Variants in KIF23 observed in about 807,000 individuals in gnomAD.
The protein encoded by KIF23 is kinesin family member 23.
Under a neutral mutation model 137.5 loss-of-function variants are expected in KIF23, and 30 were observed. That is an observed-to-expected ratio of 0.22 (90% CI 0.16 to 0.30). The LOEUF is 0.30. Among genes scored for constraint, KIF23 ranks in the 10% least tolerant of loss-of-function variants. The probability of loss-of-function intolerance (pLI) is 1.00; values close to 1 mark genes in which losing one functional copy is unlikely to be tolerated. For synonymous variants in KIF23, 367 were observed against 391.1 expected, an observed-to-expected ratio of 0.94 and a Z score of 0.73; for missense variants, 920 against 1,194.3, an observed-to-expected ratio of 0.77 and a Z score of 3.38.
At chr15:69,418,933 A>G (rs1400090668) in intron 3 of KIF23, among the ~76,000 whole-genome samples, 1 of 152,146 alleles carries the variant, frequency 6.6e-6, no homozygotes, top group Non-Finnish European at 1.5e-5. Context: ...CCTGACCAAT[A>G]TGATGAAACC....
At chr15:69,430,904 GC>G (rs1379781332) in intron 11 of KIF23, among the ~76,000 whole-genome samples, 2 of 152,142 alleles carry the variant, frequency 1.3e-5, no homozygotes, top group African/African-American at 4.8e-5. Flanking sequence ...CAAGGCTGGA[GC>G]CAGATTGGTT....
At chr15:69,429,605 C>T (rs2057302144) in intron 11 of KIF23, among the ~76,000 whole-genome samples, 1 of 152,140 alleles carries the variant, frequency 6.6e-6, no homozygotes, top group Non-Finnish European at 1.5e-5. Context: ...CTGTAACCGG[C>T]CTCGATGGGT....
At chr15:69,436,779 T>G in intron 15 of KIF23, 57 bp downstream of exon 15, 3 of 1,152,700 alleles carry the variant, frequency 2.6e-6, no homozygotes, top group Non-Finnish European at 3.5e-6. Flanking sequence ...TTTTGAGACA[T>G]AGTTTCACTC....
chr15:69,447,714 G>C, intron 23 of KIF23, 78 bp from the exon 24 acceptor site: 1 of 1,379,268 alleles, frequency 7.3e-7, no homozygotes, highest in South Asian at 1.4e-5. Flanking sequence ...GTTCTCAAAG[G>C]CCTCCTAAAG....
rs112110346 is a variant in KIF23 at position 69,439,061 on chromosome 15, G to C, written c.1755+656G>C. On this transcript the variant is annotated intron_variant, in intron 16 of 23. Coordinates refer to ENST00000679126, the MANE Select transcript of KIF23 (RefSeq NM_001367805.3). Reference sequence around the variant, plus strand: ...TGCAGTGAGCTGGGATTGCACGACTGCACTCCAGCCTAGGTGACAGAGCGA... The same window carrying C: ...TGCAGTGAGCTGGGATTGCACGACTCCACTCCAGCCTAGGTGACAGAGCGA... Among the ~76,000 whole-genome samples, 829 of 151,360 alleles carry C rather than the reference G, an allele frequency of 5.5e-3. 2 individuals are homozygous for C. The highest frequency in any genetic ancestry group is 7.5e-3 in the Non-Finnish European group (512 of 67,946).
intron 19 of KIF23, among the ~76,000 whole-genome samples, chr15:69,442,993 A>G (rs568297351): frequency 6.4e-4 from 97 of 152,218 alleles, no homozygotes; most frequent in Non-Finnish European, 1.2e-3. Context: ...GTTTCATCAT[A>G]TGCTTATTGT....
intron 22 of KIF23, 147 bp from the exon 23 acceptor site, chr15:69,446,724 A>T (rs1349291783): frequency 2.7e-6 from 2 of 753,048 alleles, no homozygotes; most frequent in African/African-American, 3.4e-5. Context: ...GAAATAAATT[A>T]CGAGTGACTG....
Position 69,440,913 on chromosome 15 carries a change from C to T in KIF23, c.2255C>T (p.Thr752Ile), listed in dbSNP as rs1596020117. 2 of 1,614,196 alleles carry T rather than the reference C, an allele frequency of 1.2e-6. No individual in the cohort carries two copies. The highest frequency in any genetic ancestry group is 1.7e-6 in the Non-Finnish European group (2 of 1,180,038). Residue 752 changes from threonine to isoleucine, a missense_variant, in exon 19 of 24, where the codon ACA becomes ATA. Physicochemically the swap from Thr to Ile is moderately conservative, Grantham distance 89 (BLOSUM62 -1). This residue lies in a region of KIF23 where 714 missense variants were observed against 866.2 expected (regional missense o/e 0.82). Coordinates refer to ENST00000679126, the MANE Select transcript of KIF23 (RefSeq NM_001367805.3). ...EWEQKIPTYNTPLKVTSIARR... is the reference protein window; with the variant it reads ...EWEQKIPTYNIPLKVTSIARR... ...GAGCAGAAAATTCCTACGTACAACA[C>T]ACCTCTCAAAGTCACATCTATTGCA...
intron 6 of KIF23, 197 bp from the exon 7 acceptor site, chr15:69,422,962 G>A (rs372312797): frequency 8.6e-5 from 36 of 418,754 alleles, no homozygotes; most frequent in African/African-American, 6.4e-4. Context: ...CACCATGCCC[G>A]GCTAATTTGT....
intron 18 of KIF23, 56 bp from the exon 19 acceptor site, chr15:69,440,712 A>C: frequency 2.1e-6 from 3 of 1,409,358 alleles, no homozygotes; most frequent in Non-Finnish European, 2.9e-6. Flanking sequence ...AAAAGTAATG[A>C]ATTGTTTCTC....
At position 69,426,112 on chromosome 15, in the gene KIF23, C is replaced by A; in HGVS notation, c.819C>A (p.Asn273Lys). Residue 273 changes from asparagine to lysine, a missense_variant, in exon 9 of 24, where the codon AAC (asparagine) becomes AAA (lysine). By Grantham distance (94) the Asn-to-Lys change is moderately conservative. Transcript: ENST00000679126. ...TGCTTCGTGAAGATAAGAACCATAA[C>A]ATGTATGTTGCAGGATGTACAGAAG... ...SKLLREDKNH[N>K]MYVAGCTEVE... The A allele has an allele frequency of 6.2e-7, 1 of 1,604,142 alleles. No homozygotes were observed. The highest frequency in any genetic ancestry group is 1.1e-5 in the South Asian group (1 of 88,858).
intron 11 of KIF23, chr15:69,434,963 A>G (rs2057440155): frequency 1.6e-6 from 1 of 641,396 alleles, no homozygotes; most frequent in Non-Finnish European, 2.7e-6. Flanking sequence ...GCGAGCCCTC[A>G]GGTGTGTAGG....
intron 3 of KIF23, among the ~76,000 whole-genome samples, chr15:69,418,174 A>G (rs949644531): frequency 2.0e-5 from 3 of 152,174 alleles, no homozygotes; most frequent in Admixed American, 6.5e-5. Flanking sequence ...TGTGCCTACT[A>G]TTCCTGTGAA....
Position 69,436,275 on chromosome 15 carries a change from T to C in KIF23, c.1438+14T>C. 2 of 1,607,642 alleles carry C rather than the reference T, an allele frequency of 1.2e-6. No individual in the cohort carries two copies. The highest frequency in any genetic ancestry group is 1.7e-6 in the Non-Finnish European group (2 of 1,178,282). ...CAGTTGGAAATGGTATGATTTGGTG[T>C]TGTATCATTTGTCCACTCATTGGTC... On this transcript the variant is annotated intron_variant, in intron 14 of 23. Coordinates refer to ENST00000679126, the MANE Select transcript of KIF23 (RefSeq NM_001367805.3).
chr15:69,446,753 C>T, intron 22 of KIF23, 118 bp from the exon 23 acceptor site: 1 of 914,432 alleles, frequency 1.1e-6, no homozygotes, highest in Non-Finnish European at 1.8e-6. Context: ...ACGTAAGAGT[C>T]TTTGCTGAAC....
chr15:69,426,917 A>G (rs1272538143), intron 10 of KIF23, among the ~76,000 whole-genome samples: 1 of 152,204 alleles, frequency 6.6e-6, no homozygotes, highest in African/African-American at 2.4e-5. Flanking sequence ...TAAACAATAC[A>G]GTATAACAAC....
Position 69,440,032 on chromosome 15 carries a change from G to C in KIF23, c.1884G>C (p.Leu628Phe). 1 of 1,613,956 alleles carries C rather than the reference G, an allele frequency of 6.2e-7. No homozygotes were observed. Among genetic ancestry groups the C allele is most frequent in the Non-Finnish European group, 8.5e-7 (1 of 1,180,002 alleles). The change falls in exon 17 of 24, where the codon TTG becomes TTC. Residue 628 changes from leucine (L) to phenylalanine (F), a missense_variant. Transcript: ENST00000679126. Reference sequence around the variant, plus strand: ...ACAAACGCAGATTAGAAGCCAGGTTGCAAGGCATGGTGACAGAAACGACAA... The same window carrying C: ...ACAAACGCAGATTAGAAGCCAGGTTCCAAGGCATGGTGACAGAAACGACAA... ...FSDKRRLEAR[L>F]QGMVTETTMK...
intron 11 of KIF23, among the ~76,000 whole-genome samples, chr15:69,432,340 G>A (rs1312425523): frequency 6.6e-6 from 1 of 152,120 alleles, no homozygotes; most frequent in African/African-American, 2.4e-5. Flanking sequence ...AAGATTTACT[G>A]GAGCTGGGAC....
chr15:69,442,173 T>G (rs557888888), intron 19 of KIF23, among the ~76,000 whole-genome samples: 1 of 152,306 alleles, frequency 6.6e-6, no homozygotes, highest in East Asian at 1.9e-4. Context: ...TTTTTTTATT[T>G]TTATGACATT....
Sources: allele counts gnomAD v4.1 joint callset (sites outside exome capture counted in the v4.1 genomes callset), GRCh38; gene constraint gnomAD v4.1.1; regional missense constraint gnomAD v4.1.1; transcripts MANE v1.5; gene names NCBI Gene and HGNC (gene_info 2026-07-23, HGNC 2026-07-21).